SRRM3: variants seen among roughly 807,000 people sequenced by gnomAD.
SRRM3 encodes the protein serine/arginine repetitive matrix 3.
In SRRM3, 27 loss-of-function variants were observed where a neutral mutation model predicts 66.2. That is an observed-to-expected ratio of 0.41 (90% confidence interval 0.30 to 0.56). SRRM3 has a LOEUF of 0.56. Among genes scored for constraint, SRRM3 ranks in the 20% least tolerant of loss-of-function variants. The pLI, the probability that SRRM3 is intolerant of heterozygous loss-of-function variation, is 0.32. For missense variants in SRRM3, 918 were observed against 991.9 expected (o/e 0.93, Z 1.00); for synonymous variants, 391 against 414.9 (o/e 0.94, Z 0.70).
chr7:76,248,099 G>T, intron 2 of SRRM3, 89 bp from the exon 3 acceptor site: 1 of 971,356 alleles, frequency 1.0e-6, no homozygotes, highest in South Asian at 1.5e-5. Context: ...TGTGACCCAG[G>T]GGTTGGCGGG....
intron 3 of SRRM3, among the ~76,000 whole-genome samples, chr7:76,257,040 A>C (rs2117048031): frequency 6.6e-6 from 1 of 152,132 alleles, no homozygotes; most frequent in South Asian, 2.1e-4. Context: ...AACCTGTTTT[A>C]TCAGCGAGGT....
At chr7:76,260,747 C>A in intron 5 of SRRM3, 127 bp from the exon 6 acceptor site, 1 of 864,834 alleles carries the variant, frequency 1.2e-6, no homozygotes, top group Non-Finnish European at 1.8e-6. Context: ...GGAGGAGGGG[C>A]CTCATCTGCC....
At chr7:76,218,827 C>A (rs1463050795) in intron 1 of SRRM3, among the ~76,000 whole-genome samples, 1 of 151,334 alleles carries the variant, frequency 6.6e-6, no homozygotes, top group Non-Finnish European at 1.5e-5. Flanking sequence ...TATAGGCATG[C>A]ACCATCACAC....
intron 14 of SRRM3, 80 bp downstream of exon 14, chr7:76,283,181 G>T (rs1802574174): frequency 7.6e-7 from 1 of 1,320,614 alleles, no homozygotes; most frequent in Non-Finnish European, 9.7e-7. Context: ...TCGGCCCGGG[G>T]ACCTTCTCTG....
Position 76,238,213 on chromosome 7 carries a change from T to G in SRRM3, c.233+2914T>G, listed in dbSNP as rs79121810. 4.2e-3 allele frequency among the ~76,000 whole-genome samples: 644 copies of G among 152,354 alleles called. 4 individuals carry two copies. The highest frequency in any genetic ancestry group is 0.015 in the African/African-American group (623 of 41,586). On this transcript the variant is annotated intron_variant, in intron 2 of 14. Transcript: ENST00000611745. ...CACCTGGAAAATAGGGGCACCTGTG[T>G]TCTGGAGCTGTTCTGAGAGTCCTCC...
rs1310263272 is a variant in SRRM3 at position 76,282,663 on chromosome 7, C to T, written c.1386C>T (p.Pro462=). 3 of 1,407,396 alleles carry T rather than the reference C, an allele frequency of 2.1e-6. No homozygotes were observed. The highest frequency in any genetic ancestry group is 1.5e-5 in the South Asian group (1 of 65,724). 87.2% of individuals were successfully genotyped at this position (1,407,396 alleles called of 1,614,324 possible). A position where few individuals can be genotyped will look rare whatever the true frequency, so the allele number is the denominator to read the frequency against. Residue 462 remains proline (P), a synonymous_variant, in exon 13 of 15, where the codon CCC becomes CCT. Coordinates refer to ENST00000611745, the MANE Select transcript of SRRM3 (RefSeq NM_001110199.3). ...CCTCCTCCAGGGCCAAGGAGCGGCC[C>T]CCGCGCGCGCGGCCCGCCAGCACCT... ...GGHGKRAKER[P]PRARPASTSP... is the part of the protein sequence containing the mutation.
rs138951862 is a variant in SRRM3 at position 76,213,439 on chromosome 7, G to A, written c.-40+11372G>A. Among the ~76,000 whole-genome samples, 499 of 152,294 alleles carry A rather than the reference G, an allele frequency of 3.3e-3. 3 individuals are homozygous for A. Among genetic ancestry groups the A allele is most frequent in the African/African-American group, 0.011 (470 of 41,560 alleles). On this transcript the variant is annotated intron_variant, in intron 1 of 14. Transcript: ENST00000611745. ...AATGATGTAGGTCGGTCCTAGTTGG[G>A]GAAATGGAGGCACGGAGAGGTAAAT...
intron 1 of SRRM3, among the ~76,000 whole-genome samples, chr7:76,214,798 G>A (rs528942714): frequency 3.9e-5 from 6 of 152,178 alleles, no homozygotes; most frequent in African/African-American, 1.2e-4. Flanking sequence ...AAATAGAGAT[G>A]GGGTCTTGTT....
rs192826374 is a variant in SRRM3, at chr7:76,272,192, C to A, written c.1008+4757C>A. Among the ~76,000 whole-genome samples, 230 of 152,200 alleles carry A rather than the reference C, an allele frequency of 1.5e-3. 1 individual carries two copies. The highest frequency in any genetic ancestry group is 5.4e-3 in the African/African-American group (223 of 41,520). On this transcript the variant is annotated intron_variant, in intron 11 of 14. Coordinates refer to ENST00000611745, the MANE Select transcript of SRRM3 (RefSeq NM_001110199.3). ...CCCAAAAAGAGTATACAGAGTTTGC[C>A]GTCTTTTCTATTTTATTATTGCATT...
intron 1 of SRRM3, among the ~76,000 whole-genome samples, chr7:76,205,979 C>T (rs1238564482): frequency 6.6e-6 from 1 of 151,616 alleles, no homozygotes; most frequent in African/African-American, 2.4e-5. Context: ...ACAGGGCCTT[C>T]GTGGGTGGGG....
chr7:76,211,825 T>C (rs1215162479), intron 1 of SRRM3, among the ~76,000 whole-genome samples: 44 of 132,462 alleles, frequency 3.3e-4, no homozygotes, highest in African/African-American at 1.5e-3. Context: ...ACTATTATTA[T>C]TATTATTATT....
chr7:76,276,825 G>C (rs1802361456), intron 11 of SRRM3, among the ~76,000 whole-genome samples: 2 of 152,118 alleles, frequency 1.3e-5, no homozygotes, highest in Admixed American at 6.6e-5. Context: ...TGCCATCTTG[G>C]TACTTGGTGG....
intron 1 of SRRM3, among the ~76,000 whole-genome samples, chr7:76,215,234 A>C (rs1456212006): frequency 6.6e-6 from 1 of 151,966 alleles, no homozygotes; most frequent in African/African-American, 2.4e-5. Context: ...ACAACAACAA[A>C]AAAAACTACT....
chr7:76,241,919 G>C (rs1018959616), intron 2 of SRRM3, among the ~76,000 whole-genome samples: 4 of 152,178 alleles, frequency 2.6e-5, no homozygotes, highest in Non-Finnish European at 4.4e-5. Context: ...CTTGAGGCTA[G>C]GTAACTTATA....
At chr7:76,232,479 G>A (rs1397670572) in intron 1 of SRRM3, among the ~76,000 whole-genome samples, 1 of 152,120 alleles carries the variant, frequency 6.6e-6, no homozygotes, top group Admixed American at 6.6e-5. Flanking sequence ...GGCTGAGGCG[G>A]GAGAATCACT....
At chr7:76,269,846 TTG>T (rs1322878939) in intron 11 of SRRM3, 4 of 151,942 alleles carry the variant, frequency 2.6e-5, no homozygotes, top group Non-Finnish European at 4.4e-5. Flanking sequence ...AATTTTCTTT[TTG>T]TGTGTGTTAC....
In SRRM3 at chr7:76,286,996, G is replaced by A. The variant is rs1802696401; in HGVS notation, c.*1153G>A. On this transcript the variant is annotated 3_prime_UTR_variant, in exon 15 of 15. Transcript: ENST00000611745. ...CCAGCCGAGCCTCTGTAGAGATGGA[G>A]GCTACAGCCCTCAGAAGGGAGGGGA... 1 of 152,816 alleles carries A rather than the reference G, an allele frequency of 6.5e-6. No homozygotes were observed. Among genetic ancestry groups the A allele is most frequent in the Admixed American group, 6.5e-5 (1 of 15,284 alleles). The allele number at this position is 152,816 out of a possible 1,614,324, so 9.5% of individuals were successfully genotyped here. A position where few individuals can be genotyped will look rare whatever the true frequency, so the allele number is the denominator to read the frequency against.
At chr7:76,220,811 A>G (rs1378892605) in intron 1 of SRRM3, among the ~76,000 whole-genome samples, 1 of 152,086 alleles carries the variant, frequency 6.6e-6, no homozygotes, top group Non-Finnish European at 1.5e-5. Context: ...GGCTCTGGCC[A>G]AGATTTTCCT....
At chr7:76,249,184 G>A (rs534989471) in intron 3 of SRRM3, among the ~76,000 whole-genome samples, 2 of 152,044 alleles carry the variant, frequency 1.3e-5, no homozygotes, top group East Asian at 1.9e-4. Context: ...TCAGGAGTTC[G>A]AGACCACCCT....
Sources: allele counts gnomAD v4.1 joint callset (sites outside exome capture counted in the v4.1 genomes callset), GRCh38; gene constraint gnomAD v4.1.1; transcripts MANE v1.5; gene names NCBI Gene and HGNC (gene_info 2026-07-23, HGNC 2026-07-21).